Variants in ACSS3 observed in about 807,000 individuals in gnomAD.
The protein encoded by ACSS3 is acyl-CoA synthetase short-chain family member 3, mitochondrial.
Under a neutral mutation model 84.2 loss-of-function variants are expected in ACSS3, and 64 were observed. The observed-to-expected ratio is 0.76, with a 90% CI of 0.62 to 0.94. The LOEUF (loss-of-function observed/expected upper bound fraction) is 0.94, where lower values mean the gene tolerates loss of function less well. Among genes scored for constraint, ACSS3 ranks in the 40% least tolerant of loss-of-function variants. The probability of loss-of-function intolerance (pLI) is 0.00; values close to 1 mark genes in which losing one functional copy is unlikely to be tolerated. For missense variants in ACSS3, 815 were observed against 867.6 expected, an observed-to-expected ratio of 0.94 and a Z score of 0.76; for synonymous variants, 317 against 310.1, an observed-to-expected ratio of 1.02 and a Z score of -0.23.
At chr12:81,199,747 T>G (rs2032016548) in intron 9 of ACSS3, 1 of 1,199,874 alleles carries the variant, frequency 8.3e-7, no homozygotes, top group Non-Finnish European at 1.1e-6. Context: ...CTTTGAAGTG[T>G]CTGTTGGGTT....
At chr12:81,145,292 C>T (rs1886288449) in intron 5 of ACSS3, among the ~76,000 whole-genome samples, 1 of 151,946 alleles carries the variant, frequency 6.6e-6, no homozygotes, top group African/African-American at 2.4e-5. Context: ...TTCTATCATC[C>T]TCATTTTCCT....
At chr12:81,205,618 G>C (rs1159036616) in intron 9 of ACSS3, among the ~76,000 whole-genome samples, 1 of 152,024 alleles carries the variant, frequency 6.6e-6, no homozygotes, top group African/African-American at 2.4e-5. Flanking sequence ...GGATTTGCTA[G>C]GTAAGGTATC....
intron 5 of ACSS3, among the ~76,000 whole-genome samples, chr12:81,145,994 G>C (rs1188850983): frequency 6.6e-6 from 1 of 152,114 alleles, no homozygotes; most frequent in Admixed American, 6.5e-5. Context: ...GGTTGAAATT[G>C]CTTTAAATTT....
chr12:81,121,975 C>T (rs1186044351), intron 2 of ACSS3, among the ~76,000 whole-genome samples: 1 of 149,226 alleles, frequency 6.7e-6, no homozygotes, highest in African/African-American at 2.5e-5. Flanking sequence ...GCTCTGCTGC[C>T]CAGACAGGAG....
At chr12:81,213,731 C>T (rs1394479007) in intron 9 of ACSS3, among the ~76,000 whole-genome samples, 2 of 110,184 alleles carry the variant, frequency 1.8e-5, no homozygotes, top group African/African-American at 3.5e-5. Flanking sequence ...CGCTCCCCTC[C>T]GCTCCCCTCC....
intron 7 of ACSS3, among the ~76,000 whole-genome samples, chr12:81,173,012 A>T (rs958147291): frequency 2.6e-5 from 4 of 152,226 alleles, no homozygotes; most frequent in Non-Finnish European, 5.9e-5. Context: ...GCAGGCAAGT[A>T]AATGGAAGCA....
At chr12:81,189,197 T>A (rs1020325542) in intron 8 of ACSS3, among the ~76,000 whole-genome samples, 1 of 152,144 alleles carries the variant, frequency 6.6e-6, no homozygotes, top group Non-Finnish European at 1.5e-5. Flanking sequence ...TAATAATACA[T>A]GTCTTTTTGG....
chr12:81,134,509 C>A (rs1454187513), intron 2 of ACSS3, among the ~76,000 whole-genome samples: 1 of 152,114 alleles, frequency 6.6e-6, no homozygotes, highest in Non-Finnish European at 1.5e-5. Flanking sequence ...ATTCCCAACT[C>A]TTACATACTA....
intron 7 of ACSS3, among the ~76,000 whole-genome samples, chr12:81,170,980 T>A (rs2029991891): frequency 4.6e-5 from 7 of 152,174 alleles, no homozygotes. Context: ...TTGCTTCAGC[T>A]TTCTGAAGCT....
intron 13 of ACSS3, among the ~76,000 whole-genome samples, chr12:81,245,109 A>G (rs1236651027): frequency 1.3e-5 from 2 of 152,166 alleles, no homozygotes; most frequent in Non-Finnish European, 2.9e-5. Context: ...TAGTTGTTTC[A>G]TGAACATGTA....
intron 13 of ACSS3, among the ~76,000 whole-genome samples, chr12:81,238,330 T>C (rs901624565): frequency 6.6e-6 from 1 of 151,772 alleles, no homozygotes; most frequent in Admixed American, 6.6e-5. Context: ...TTTTCTAACT[T>C]ATTCTATGGG....
intron 2 of ACSS3, among the ~76,000 whole-genome samples, chr12:81,117,776 G>A (rs781094088): frequency 5.3e-5 from 8 of 152,190 alleles, no homozygotes; most frequent in East Asian, 1.9e-4. Flanking sequence ...CAAATGAATC[G>A]GCACCCCATA....
At chr12:81,085,606 A>G (rs775918575) in intron 1 of ACSS3, among the ~76,000 whole-genome samples, 11 of 152,248 alleles carry the variant, frequency 7.2e-5, no homozygotes, top group Non-Finnish European at 1.6e-4. Context: ...TCCTCCAAAT[A>G]TCAAGGGAAC....
At chr12:81,174,517 TA>T (rs1443724757) in intron 7 of ACSS3, 3 of 286,440 alleles carry the variant, frequency 1.0e-5, no homozygotes, top group Non-Finnish European at 1.9e-5. Flanking sequence ...TTGAATGTGG[TA>T]TGTATTTTTA....
intron 1 of ACSS3, among the ~76,000 whole-genome samples, chr12:81,102,078 C>CACAT: frequency 6.6e-6 from 1 of 151,640 alleles, no homozygotes; most frequent in South Asian, 2.1e-4. Flanking sequence ...CATATTCTAG[C>CACAT]ACATACATAT....
intron 1 of ACSS3, among the ~76,000 whole-genome samples, chr12:81,090,625 C>G (rs970077942): frequency 6.6e-6 from 1 of 152,016 alleles, no homozygotes; most frequent in African/African-American, 2.4e-5. Flanking sequence ...AATCCTCTAT[C>G]AAGGAACCAA....
rs1474269033 is a variant in ACSS3 at position 81,152,062 on chromosome 12, CTCT to C, written c.1070_1072del (p.Leu357del). ...GGACATTCCTATATCTGCTATGGAC[CTCT>C]TCTTCATGGGAACACAACAGTTTTA... On this transcript the variant is annotated inframe_deletion, in exon 7 of 16. Coordinates refer to ENST00000548058, the MANE Select transcript of ACSS3 (RefSeq NM_024560.4). 1 of 1,613,158 alleles carries C rather than the reference CTCT, an allele frequency of 6.2e-7. No individual in the cohort carries two copies. Among genetic ancestry groups the C allele is most frequent in the East Asian group, 2.2e-5 (1 of 44,846 alleles).
At chr12:81,152,160 C>T in intron 7 of ACSS3, 64 bp downstream of exon 7, 2 of 1,397,662 alleles carry the variant, frequency 1.4e-6, no homozygotes, top group South Asian at 1.3e-5. Flanking sequence ...TTTCATGAAG[C>T]AGTCCTGAGT....
rs1382940657 is a variant in ACSS3 at position 81,151,892 on chromosome 12, A to G, written c.970A>G (p.Met324Val). 2 of 1,613,926 alleles carry G rather than the reference A, an allele frequency of 1.2e-6. No homozygotes were observed. Among genetic ancestry groups the G allele is most frequent in the South Asian group, 1.1e-5 (1 of 91,052 alleles). Residue 324 changes from methionine (M) to valine (V), a missense_variant, in exon 6 of 16, where the codon ATG becomes GTG. Met to Val is a conservative substitution (Grantham distance 21, BLOSUM62 1). Coordinates refer to ENST00000548058, the MANE Select transcript of ACSS3 (RefSeq NM_024560.4). ...GGYAVMLHWSMSSIYGLQPGE... is the reference protein window; with the variant it reads ...GGYAVMLHWSVSSIYGLQPGE... ...ATACGCTGTCATGCTACACTGGTCA[A>G]TGTCTTCCATATACGGACTTCAACC... is the stretch of plus-strand genomic sequence containing the variant.
Sources: gnomAD v4.1 joint callset for allele counts (sites outside exome capture counted in the v4.1 genomes callset) on GRCh38, gnomAD v4.1.1 for gene constraint, MANE v1.5 for transcripts, NCBI Gene and HGNC (gene_info 2026-07-23, HGNC 2026-07-21) for gene names.